The following GLT1D1 variants were observed in gnomAD, a reference collection of about 807,000 sequenced individuals.
The protein encoded by GLT1D1 is glycosyltransferase 1 domain containing 1.
In GLT1D1, 21 loss-of-function variants were observed where a neutral mutation model predicts 28.7. That is an observed-to-expected ratio of 0.73 (90% confidence interval 0.52 to 1.05). The LOEUF is 1.05. Ranked by LOEUF, GLT1D1 falls within the 50% of genes least tolerant of loss-of-function variation. The probability of loss-of-function intolerance (pLI) is 0.00; values close to 1 mark genes in which losing one functional copy is unlikely to be tolerated. For synonymous variants in GLT1D1, 147 were observed against 124.8 expected, an observed-to-expected ratio of 1.18 and a Z score of -1.19; for missense variants, 343 against 330.6, an observed-to-expected ratio of 1.04 and a Z score of -0.29.
chr12:128,932,732 G>A (rs1394879845), intron 4 of GLT1D1, among the ~76,000 whole-genome samples: 1 of 152,110 alleles, frequency 6.6e-6, no homozygotes, highest in Non-Finnish European at 1.5e-5. Flanking sequence ...CGAGGCCGCC[G>A]GTCTTCAGCC....
chr12:128,977,772 CTT>C (rs796803424), intron 7 of GLT1D1, among the ~76,000 whole-genome samples: 17 of 26,116 alleles, frequency 6.5e-4, no homozygotes, highest in Non-Finnish European at 1.4e-3. Context: ...TTTCTTTTTT[CTT>C]TTTTCTTTTT....
At chr12:128,904,075 A>G (rs1162649216) in intron 4 of GLT1D1, among the ~76,000 whole-genome samples, 1 of 151,780 alleles carries the variant, frequency 6.6e-6, no homozygotes, top group Admixed American at 6.6e-5. Flanking sequence ...AAGTAGCAAG[A>G]ATAGTAGAGT....
intron 4 of GLT1D1, among the ~76,000 whole-genome samples, chr12:128,937,696 G>C (rs1874706912): frequency 6.6e-6 from 1 of 151,960 alleles, no homozygotes. Context: ...TTTAATCATG[G>C]GGGTGGTTAC....
intron 4 of GLT1D1, chr12:128,944,968 C>T (rs1253956862): frequency 5.4e-6 from 3 of 557,436 alleles, no homozygotes; most frequent in Non-Finnish European, 9.6e-6. Flanking sequence ...CCCAACAGGC[C>T]CCGGTGTGTG....
chr12:128,958,776 A>AAC lies in GLT1D1; in HGVS notation c.639+1134_639+1135insCA, dbSNP rs1555219801. ...AAAAAAAAAAAAAAAAAAAAAAAAA[A>AAC]AGGAAGGCATTGTCACTACGTATGC... On this transcript the variant is annotated intron_variant, in intron 7 of 7. Coordinates refer to ENST00000281703, the MANE Select transcript of GLT1D1 (RefSeq NM_144669.3). Among the ~76,000 whole-genome samples the AAC allele has an allele frequency of 6.5e-4, 92 of 141,704 alleles. 5 individuals carry two copies. Among genetic ancestry groups the AAC allele is most frequent in the African/African-American group, 2.3e-3 (85 of 36,326 alleles). 93.0% of individuals were successfully genotyped at this position (141,704 alleles called of 152,430 possible). A position where few individuals can be genotyped will look rare whatever the true frequency, so the allele number is the denominator to read the frequency against.
intron 4 of GLT1D1, among the ~76,000 whole-genome samples, chr12:128,937,424 A>G (rs1874679241): frequency 6.6e-6 from 1 of 152,154 alleles, no homozygotes; most frequent in Non-Finnish European, 1.5e-5. Context: ...GCAAGTATCA[A>G]AAGACGTTGG....
chr12:128,942,379 A>G (rs1365579949), intron 4 of GLT1D1, among the ~76,000 whole-genome samples: 1 of 152,208 alleles, frequency 6.6e-6, no homozygotes, highest in African/African-American at 2.4e-5. Context: ...AGTGTGTACT[A>G]TAATTCTTTT....
chr12:128,960,164 T>C (rs1877789764), intron 7 of GLT1D1, among the ~76,000 whole-genome samples: 1 of 152,216 alleles, frequency 6.6e-6, no homozygotes, highest in Admixed American at 6.5e-5. Context: ...TCCAGCGCTT[T>C]CGTGTTCATT....
chr12:128,934,405 G>C (rs1483737130), intron 4 of GLT1D1, among the ~76,000 whole-genome samples: 1 of 152,044 alleles, frequency 6.6e-6, no homozygotes, highest in Non-Finnish European at 1.5e-5. Context: ...TGTTGGCCAG[G>C]CTGGTCTCGA....
At chr12:128,896,898 G>A (rs919239768) in intron 3 of GLT1D1, among the ~76,000 whole-genome samples, 3 of 152,200 alleles carry the variant, frequency 2.0e-5, no homozygotes, top group South Asian at 2.1e-4. Context: ...TTGTGTACTT[G>A]TCTGATTGTG....
intron 4 of GLT1D1, among the ~76,000 whole-genome samples, chr12:128,923,474 CT>C: frequency 6.6e-6 from 1 of 151,896 alleles, no homozygotes; most frequent in Non-Finnish European, 1.5e-5. Context: ...TAAGGCTCAG[CT>C]TTTTCCTGTA....
intron 4 of GLT1D1, among the ~76,000 whole-genome samples, chr12:128,906,747 C>CTT (rs1012824455): frequency 1.4e-5 from 2 of 141,854 alleles, no homozygotes; most frequent in African/African-American, 5.2e-5. Flanking sequence ...TTTCTGGAAA[C>CTT]TTTGAGTCAC....
chr12:128,965,772 G>A (rs1878399004), intron 7 of GLT1D1, among the ~76,000 whole-genome samples: 1 of 150,702 alleles, frequency 6.6e-6, no homozygotes, highest in African/African-American at 2.4e-5. Flanking sequence ...GCTCATGCCT[G>A]TAGTCCCAGC....
At position 128,983,189 on chromosome 12, in the gene GLT1D1, A is replaced by C; in HGVS notation, c.*99A>C. 1 of 1,068,744 alleles carries C rather than the reference A, an allele frequency of 9.4e-7. No homozygotes were observed. The highest frequency in any genetic ancestry group is 2.1e-5 in the Admixed American group (1 of 46,542). The allele number at this position is 1,068,744 out of a possible 1,614,324, so 66.2% of individuals were successfully genotyped here. On this transcript the variant is annotated 3_prime_UTR_variant, in exon 8 of 8. Transcript: ENST00000281703. This position sits in a 1 kb window ranked among gnomAD's most constrained non-coding sequence, Gnocchi z 4.7. ...CACGTGGGCCCAGTGCAGTTCAAAT[A>C]AAACCAGCCTCAGCGGAATCCTAGA...
Position 128,859,101 on chromosome 12 carries a change from A to G in GLT1D1, c.68+5452A>G, listed in dbSNP as rs551923239. Among the ~76,000 whole-genome samples, 9 of 152,338 alleles carry G rather than the reference A, an allele frequency of 5.9e-5. No individual in the cohort carries two copies. The South Asian group carries it at 1.9e-3, about 32-fold the overall frequency. ...GCTGTACCTCGACCTCCTTGGGCAC[A>G]TGTTCTCAGGACCTCCTGAGGGCTG... On this transcript the variant is annotated intron_variant, in intron 1 of 7. Transcript: ENST00000281703.
At chr12:128,969,692 G>T (rs1878843036) in intron 7 of GLT1D1, among the ~76,000 whole-genome samples, 1 of 152,210 alleles carries the variant, frequency 6.6e-6, no homozygotes, top group South Asian at 2.1e-4. Context: ...CTTGCATCGC[G>T]TCTGGAATTC....
chr12:128,913,435 G>T (rs1038468250), intron 4 of GLT1D1, among the ~76,000 whole-genome samples: 2 of 152,162 alleles, frequency 1.3e-5, no homozygotes, highest in Non-Finnish European at 2.9e-5. Flanking sequence ...TGGCTAGGCT[G>T]ATCTTGAACT....
At chr12:128,955,020 GA>G (rs1304721984) in intron 6 of GLT1D1, among the ~76,000 whole-genome samples, 1 of 152,108 alleles carries the variant, frequency 6.6e-6, no homozygotes, top group Non-Finnish European at 1.5e-5. Context: ...CTACCCTTTT[GA>G]AAGAGATTTT....
intron 2 of GLT1D1, among the ~76,000 whole-genome samples, chr12:128,882,781 C>A (rs1412465398): frequency 1.3e-5 from 2 of 152,116 alleles, no homozygotes; most frequent in African/African-American, 4.8e-5. Context: ...GGAATGGAAC[C>A]TGTTCCCAGG....
Sources: allele counts gnomAD v4.1 joint callset (sites outside exome capture counted in the v4.1 genomes callset), GRCh38; gene constraint gnomAD v4.1.1; non-coding constraint Gnocchi (gnomAD v3.1); transcripts MANE v1.5; gene names NCBI Gene and HGNC (gene_info 2026-07-23, HGNC 2026-07-21).